Variants in MGMT observed in about 807,000 individuals in gnomAD.
The protein encoded by MGMT is methylated-DNA--protein-cysteine methyltransferase.
Under a neutral mutation model 15.9 loss-of-function variants are expected in MGMT, and 14 were observed. The observed-to-expected ratio is 0.88, with a 90% confidence interval of 0.58 to 1.37. The LOEUF is 1.37. Ranked by LOEUF, MGMT falls within the 40% of genes most tolerant of loss-of-function variation. The pLI is 0.00. For missense variants in MGMT, 282 were observed against 268.1 expected (o/e 1.05, Z -0.36); for synonymous variants, 130 against 118.2 (o/e 1.10, Z -0.65).
intron 2 of MGMT, among the ~76,000 whole-genome samples, chr10:129,650,648 A>G (rs144986693): frequency 5.7e-4 from 87 of 152,310 alleles, no homozygotes; most frequent in South Asian, 1.7e-3. Context: ...TGAGCTGTGT[A>G]ATCGCCACCT....
intron 1 of MGMT, among the ~76,000 whole-genome samples, chr10:129,491,992 C>T (rs1453188574): frequency 1.3e-5 from 2 of 151,660 alleles, no homozygotes; most frequent in African/African-American, 4.8e-5. Flanking sequence ...CATGTTTTTG[C>T]TTTTTGCATG....
At chr10:129,509,174 A>G (rs915786498) in intron 1 of MGMT, among the ~76,000 whole-genome samples, 1 of 152,076 alleles carries the variant, frequency 6.6e-6, no homozygotes, top group Non-Finnish European at 1.5e-5. Flanking sequence ...TTTTAGCTGC[A>G]TGAGATGTTT....
chr10:129,600,098 G>A (rs1049667352), intron 2 of MGMT, among the ~76,000 whole-genome samples: 28 of 152,182 alleles, frequency 1.8e-4, no homozygotes, highest in African/African-American at 6.3e-4. Flanking sequence ...AGTCTGTGTG[G>A]TGCAGGGAGT....
At chr10:129,552,208 T>G (rs1183744051) in intron 2 of MGMT, among the ~76,000 whole-genome samples, 1 of 152,184 alleles carries the variant, frequency 6.6e-6, no homozygotes, top group East Asian at 1.9e-4. Flanking sequence ...GAGCGCCCCG[T>G]TTCCTGAACA....
chr10:129,494,007 A>G (rs146672851), intron 1 of MGMT, among the ~76,000 whole-genome samples: 92 of 152,326 alleles, frequency 6.0e-4, no homozygotes, highest in Non-Finnish European at 1.1e-3. Context: ...TGGAGATGGC[A>G]TAGTGTCCTA....
intron 2 of MGMT, among the ~76,000 whole-genome samples, chr10:129,565,190 G>A (rs1287837465): frequency 1.3e-5 from 2 of 152,140 alleles, no homozygotes; most frequent in African/African-American, 4.8e-5. Context: ...TTGTGCAGCC[G>A]CTGAGTGACT....
At chr10:129,649,872 C>T (rs550608976) in intron 2 of MGMT, among the ~76,000 whole-genome samples, 68 of 152,198 alleles carry the variant, frequency 4.5e-4, no homozygotes, top group African/African-American at 1.6e-3. Flanking sequence ...GGAATTTTGC[C>T]GACACTGTTG....
At chr10:129,641,996 C>G (rs1248925593) in intron 2 of MGMT, among the ~76,000 whole-genome samples, 1 of 152,196 alleles carries the variant, frequency 6.6e-6, no homozygotes, top group African/African-American at 2.4e-5. Context: ...AGCTTATTTT[C>G]TCCTAGGCTC....
At chr10:129,673,625 G>T (rs1221960842) in intron 2 of MGMT, among the ~76,000 whole-genome samples, 5 of 152,136 alleles carry the variant, frequency 3.3e-5, no homozygotes, top group African/African-American at 1.2e-4. Context: ...CTCTGGTTCT[G>T]TCCACATCGG....
intron 3 of MGMT, among the ~76,000 whole-genome samples, chr10:129,713,953 CTCCCG>C (rs1245959470): frequency 6.6e-6 from 1 of 152,230 alleles, no homozygotes; most frequent in Non-Finnish European, 1.5e-5. Flanking sequence ...AGTGAGTGGG[CTCCCG>C]TCACCCGTCC....
chr10:129,736,075 G>A (rs2133166817), intron 3 of MGMT, among the ~76,000 whole-genome samples: 1 of 133,498 alleles, frequency 7.5e-6, no homozygotes, highest in East Asian at 2.5e-4. Context: ...TGTCTATTAG[G>A]TCCTCTTGGT....
At chr10:129,562,623 T>C (rs531931634) in intron 2 of MGMT, among the ~76,000 whole-genome samples, 1 of 152,310 alleles carries the variant, frequency 6.6e-6, no homozygotes, top group East Asian at 1.9e-4. Context: ...TAGGTCTACT[T>C]TGTACACAGT....
Position 129,471,680 on chromosome 10 carries a change from G to A in MGMT, c.-13+4384G>A, listed in dbSNP as rs1226773507. Among the ~76,000 whole-genome samples the A allele has an allele frequency of 3.3e-5, 5 of 152,092 alleles. No individual in the cohort carries two copies. In the East Asian group the frequency reaches 5.8e-4, roughly 18 times the overall value. ...TGGGTGCTGGCTAGAGAGGTCTCTCGATTGCAGGGCCCCATGGGAGACCTA... is the reference window on the plus strand; with the variant it reads ...TGGGTGCTGGCTAGAGAGGTCTCTCAATTGCAGGGCCCCATGGGAGACCTA... On this transcript the variant is annotated intron_variant, in intron 1 of 4. Coordinates refer to ENST00000651593, the MANE Select transcript of MGMT (RefSeq NM_002412.5).
rs139144022 is a variant in MGMT, at chr10:129,589,298, G to T, written c.125+52921G>T. On this transcript the variant is annotated intron_variant, in intron 2 of 4. Coordinates refer to ENST00000651593, the MANE Select transcript of MGMT (RefSeq NM_002412.5). ...AGCCAGGCCTCAAGCCGCCTGGCTGGGGTGGGGACAAAGTGTGTGTTGTCC... is the reference window on the plus strand; with the variant it reads ...AGCCAGGCCTCAAGCCGCCTGGCTGTGGTGGGGACAAAGTGTGTGTTGTCC... Among the ~76,000 whole-genome samples, 508 of 152,300 alleles carry T rather than the reference G, an allele frequency of 3.3e-3. 5 individuals carry two copies. In the Middle Eastern group the frequency reaches 0.034, roughly 10 times the overall value.
intron 2 of MGMT, among the ~76,000 whole-genome samples, chr10:129,614,553 G>A (rs763026182): frequency 7.2e-4 from 110 of 152,172 alleles, no homozygotes; most frequent in Non-Finnish European, 1.4e-3. Context: ...GACAGCTTTC[G>A]CTTCTTTGGC....
Position 129,556,610 on chromosome 10 carries a change from G to A in MGMT, c.125+20233G>A, listed in dbSNP as rs1403906156. On this transcript the variant is annotated intron_variant, in intron 2 of 4. Transcript: ENST00000651593. The surrounding 1 kb of genome is among the most constrained non-coding windows in gnomAD (Gnocchi z 4.3). ...TTTACCGTCTTGCTGCAGCGGGAACGTCCTGCTGTAGAAGAGGCGCCGCCA... is the reference window on the plus strand; with the variant it reads ...TTTACCGTCTTGCTGCAGCGGGAACATCCTGCTGTAGAAGAGGCGCCGCCA... Among the ~76,000 whole-genome samples, 2 of 152,176 alleles carry A rather than the reference G, an allele frequency of 1.3e-5. No individual in the cohort carries two copies. The highest frequency in any genetic ancestry group is 2.4e-5 in the African/African-American group (1 of 41,442).
chr10:129,510,275 T>C (rs59125311), intron 1 of MGMT, among the ~76,000 whole-genome samples: 10,430 of 152,192 alleles, frequency 0.069, 1,196 homozygotes, highest in African/African-American at 0.24. Flanking sequence ...TGTAGGAAGT[T>C]ACATACCTTG....
At position 129,717,113 on chromosome 10, in the gene MGMT, A is replaced by G. The variant is rs115602683; in HGVS notation, c.274+9070A>G. 3.9e-3 allele frequency among the ~76,000 whole-genome samples: 595 copies of G among 152,284 alleles called. 1 individual carries two copies. Among genetic ancestry groups the G allele is most frequent in the African/African-American group, 0.014 (567 of 41,564 alleles). On this transcript the variant is annotated intron_variant, in intron 3 of 4. Transcript: ENST00000651593. ...AGCAGGTAATCTACAGAGAATTTTT[A>G]TATGGTTATGAGTTCTGTGCTTCAG...
At chr10:129,617,142 A>T (rs1847037056) in intron 2 of MGMT, among the ~76,000 whole-genome samples, 1 of 152,114 alleles carries the variant, frequency 6.6e-6, no homozygotes, top group Non-Finnish European at 1.5e-5. Flanking sequence ...ACCCTCAAGT[A>T]GGCACCGTTG....
Sources: gnomAD v4.1 joint callset for allele counts (sites outside exome capture counted in the v4.1 genomes callset) on GRCh38, gnomAD v4.1.1 for gene constraint, Gnocchi (gnomAD v3.1) non-coding constraint, MANE v1.5 for transcripts, NCBI Gene and HGNC (gene_info 2026-07-23, HGNC 2026-07-21) for gene names.